Variants in PEBP4 observed in about 807,000 individuals in gnomAD.
PEBP4 encodes the protein phosphatidylethanolamine binding protein 4.
Under a neutral mutation model 23.9 loss-of-function variants are expected in PEBP4, and 22 were observed. That is an observed-to-expected ratio of 0.92 (90% CI 0.66 to 1.31). The LOEUF (loss-of-function observed/expected upper bound fraction) is 1.31, where lower values mean the gene tolerates loss of function less well. Among genes scored for constraint, PEBP4 ranks in the 40% most tolerant of loss-of-function variants. The pLI, the probability that PEBP4 is intolerant of heterozygous loss-of-function variation, is 0.00. For missense variants in PEBP4, 324 were observed against 281.7 expected (o/e 1.15, Z -1.07); for synonymous variants, 112 against 99.3 (o/e 1.13, Z -0.76).
intron 5 of PEBP4, among the ~76,000 whole-genome samples, chr8:22,726,094 G>A (rs1326701772): frequency 6.6e-6 from 1 of 152,010 alleles, no homozygotes; most frequent in Non-Finnish European, 1.5e-5. Context: ...GTGTGTGGTT[G>A]GAGGTCCCAC....
intron 4 of PEBP4, among the ~76,000 whole-genome samples, chr8:22,796,507 G>C (rs116605257): frequency 3.9e-5 from 6 of 152,090 alleles, no homozygotes; most frequent in Admixed American, 3.3e-4. Flanking sequence ...GCCTTCCTCC[G>C]GGCAGCCCTC....
intron 4 of PEBP4, among the ~76,000 whole-genome samples, chr8:22,760,756 A>G (rs1585258823): frequency 1.3e-5 from 2 of 152,138 alleles, no homozygotes; most frequent in South Asian, 4.2e-4. Flanking sequence ...CTAAGTCCAC[A>G]ATACGAGAAG....
intron 2 of PEBP4, among the ~76,000 whole-genome samples, chr8:22,926,357 G>C (rs1187069133): frequency 6.6e-6 from 1 of 150,942 alleles, no homozygotes; most frequent in Non-Finnish European, 1.5e-5. Flanking sequence ...TGTTGTTGTT[G>C]TTGTTTAGGC....
At chr8:22,794,447 G>A (rs183826890) in intron 4 of PEBP4, among the ~76,000 whole-genome samples, 312 of 152,264 alleles carry the variant, frequency 2.0e-3, no homozygotes, top group Non-Finnish European at 2.5e-3. Flanking sequence ...CCCTATGCCA[G>A]CTAATTTTTG....
At chr8:22,809,154 C>G (rs754775661) in intron 4 of PEBP4, among the ~76,000 whole-genome samples, 7 of 152,200 alleles carry the variant, frequency 4.6e-5, no homozygotes, top group Non-Finnish European at 1.0e-4. Flanking sequence ...CTACTAAGCA[C>G]CAGGTGCTAC....
intron 3 of PEBP4, among the ~76,000 whole-genome samples, chr8:22,902,180 T>C (rs1344531337): frequency 2.0e-5 from 3 of 152,056 alleles, no homozygotes; most frequent in East Asian, 1.9e-4. Flanking sequence ...AATACAAAAA[T>C]TAGCCGGGCT....
intron 4 of PEBP4, among the ~76,000 whole-genome samples, chr8:22,760,430 C>G (rs1189246187): frequency 6.6e-6 from 1 of 152,108 alleles, no homozygotes; most frequent in Non-Finnish European, 1.5e-5. Flanking sequence ...ATCTTTGCTG[C>G]CTTAGAACAT....
intron 4 of PEBP4, among the ~76,000 whole-genome samples, chr8:22,783,819 A>C (rs1460938963): frequency 6.6e-6 from 1 of 152,242 alleles, no homozygotes; most frequent in Non-Finnish European, 1.5e-5. Context: ...TTTTTGGTAG[A>C]GATGGAGTTT....
chr8:22,879,063 A>G (rs992232547), intron 3 of PEBP4, among the ~76,000 whole-genome samples: 10 of 152,192 alleles, frequency 6.6e-5, no homozygotes, highest in African/African-American at 2.4e-4. Context: ...GAAACATTTT[A>G]CTATGCTCTA....
intron 3 of PEBP4, among the ~76,000 whole-genome samples, chr8:22,821,922 T>C (rs1261434105): frequency 6.8e-6 from 1 of 146,476 alleles, no homozygotes; most frequent in African/African-American, 2.5e-5. Context: ...GAGGTGGAGG[T>C]TGTAGTGAGC....
intron 4 of PEBP4, among the ~76,000 whole-genome samples, chr8:22,783,679 GTTTT>G (rs763195313): frequency 1.3e-5 from 2 of 152,154 alleles, no homozygotes; most frequent in African/African-American, 2.4e-5. Flanking sequence ...TTTTTGTTTT[GTTTT>G]GTTTTGTTTG....
At chr8:22,772,496 T>C (rs561118792) in intron 4 of PEBP4, among the ~76,000 whole-genome samples, 27,382 of 141,862 alleles carry the variant, frequency 0.19, 2,591 homozygotes, top group East Asian at 0.28. Flanking sequence ...TCTCTCTCTT[T>C]TTTTTTTTTT....
chr8:22,717,677 C>T (rs974642179), intron 6 of PEBP4, among the ~76,000 whole-genome samples: 4 of 152,278 alleles, frequency 2.6e-5, no homozygotes, highest in South Asian at 2.1e-4. Flanking sequence ...GCTCCGGCTC[C>T]GAACAGCCCT....
intron 3 of PEBP4, among the ~76,000 whole-genome samples, chr8:22,860,130 AAAG>A (rs1411723587): frequency 3.3e-4 from 49 of 147,010 alleles, no homozygotes; most frequent in Non-Finnish European, 6.9e-4. Flanking sequence ...AAAAAAAAAA[AAAG>A]AAAAAGAAAA....
intron 3 of PEBP4, among the ~76,000 whole-genome samples, chr8:22,853,479 T>C (rs1807586133): frequency 6.6e-6 from 1 of 152,246 alleles, no homozygotes; most frequent in South Asian, 2.1e-4. Flanking sequence ...TCAAGCTGCT[T>C]AATATCTATT....
intron 4 of PEBP4, among the ~76,000 whole-genome samples, chr8:22,753,374 C>T (rs1479819794): frequency 6.6e-6 from 1 of 152,176 alleles, no homozygotes; most frequent in Admixed American, 6.5e-5. Flanking sequence ...AAACTGGGGG[C>T]CGCATGAACT....
At chr8:22,861,375 A>G (rs1807775872) in intron 3 of PEBP4, among the ~76,000 whole-genome samples, 2 of 152,238 alleles carry the variant, frequency 1.3e-5, no homozygotes, top group East Asian at 3.8e-4. Flanking sequence ...CAACAAGCCT[A>G]AGAGATAGGT....
At chr8:22,817,559 G>C (rs1806769280) in intron 4 of PEBP4, 78 bp downstream of exon 4, 4 of 1,323,570 alleles carry the variant, frequency 3.0e-6, no homozygotes, top group Admixed American at 1.7e-5. Context: ...TCCTGGATGA[G>C]AGGTGGGAAC....
chr8:22,826,586 A>G (rs193284244), intron 3 of PEBP4, among the ~76,000 whole-genome samples: 29 of 152,354 alleles, frequency 1.9e-4, no homozygotes, highest in Admixed American at 1.8e-3. Context: ...AAAAAAAACC[A>G]TGAGGATCTC....
Sources: allele counts gnomAD v4.1 joint callset (sites outside exome capture counted in the v4.1 genomes callset), GRCh38; gene constraint gnomAD v4.1.1; transcripts MANE v1.5; gene names NCBI Gene and HGNC (gene_info 2026-07-23, HGNC 2026-07-21).